Variants in ERMAP observed in about 807,000 individuals in gnomAD.
ERMAP encodes erythroblast membrane associated protein (Scianna blood group).
Under a neutral mutation model 49.5 loss-of-function variants are expected in ERMAP, and 34 were observed. The observed-to-expected ratio is 0.69, with a 90% confidence interval of 0.52 to 0.91. The LOEUF (loss-of-function observed/expected upper bound fraction) is 0.91, where lower values mean the gene tolerates loss of function less well. Among genes scored for constraint, ERMAP ranks in the 40% least tolerant of loss-of-function variants. ERMAP has a pLI of 0.00. For synonymous variants in ERMAP, 214 were observed against 232.2 expected (o/e 0.92, Z 0.71); for missense variants, 541 against 582.6 (o/e 0.93, Z 0.74).
intron 6 of ERMAP, among the ~76,000 whole-genome samples, chr1:42,836,067 C>A (rs1164648984): frequency 6.6e-6 from 1 of 151,986 alleles, no homozygotes; most frequent in Non-Finnish European, 1.5e-5. Context: ...TGATAATTAT[C>A]TACAAAATGC....
intron 4 of ERMAP, chr1:42,834,763 C>T: frequency 3.2e-6 from 1 of 313,292 alleles, no homozygotes; most frequent in Non-Finnish European, 6.0e-6. Context: ...CCCACATTGG[C>T]CAGCTGGTCT....
Position 42,828,819 on chromosome 1 carries a change from C to T in ERMAP, c.-5-1625C>T, listed in dbSNP as rs1396403802. Among the ~76,000 whole-genome samples, 3 of 152,054 alleles carry T rather than the reference C, an allele frequency of 2.0e-5. 1 individual carries two copies. The highest frequency in any genetic ancestry group is 7.2e-5 in the African/African-American group (3 of 41,406). ...AGCCTAGAGCTCACCCTCTTAACCA[C>T]TTCATAGATTGTCTGAATCTTGGAA... On this transcript the variant is annotated intron_variant, in intron 2 of 11. Transcript: ENST00000372517.
In ERMAP at chr1:42,843,811, A is replaced by G. The variant is rs1655138029; in HGVS notation, c.*579A>G. 1 of 367,254 alleles carries G rather than the reference A, an allele frequency of 2.7e-6. No homozygotes were observed. Among genetic ancestry groups the G allele is most frequent in the Non-Finnish European group, 4.8e-6 (1 of 207,022 alleles). 22.7% of individuals were successfully genotyped at this position (367,254 alleles called of 1,614,324 possible). A position where few individuals can be genotyped will look rare whatever the true frequency, so the allele number is the denominator to read the frequency against. On this transcript the variant is annotated 3_prime_UTR_variant, in exon 12 of 12. Coordinates refer to ENST00000372517, the MANE Select transcript of ERMAP (RefSeq NM_001017922.2). ...CTTTTCTATTTTCTTGATGCTGTTT[A>G]CAACATAGTTTGGTGATATCCAGAG...
rs1455226917 is a variant in ERMAP, at chr1:42,828,498, A to T, written c.-5-1946A>T. 2.4e-3 allele frequency among the ~76,000 whole-genome samples: 348 copies of T among 142,100 alleles called. 4 individuals carry two copies. Among genetic ancestry groups the T allele is most frequent in the African/African-American group, 6.8e-3 (263 of 38,558 alleles). The allele number at this position is 142,100 out of a possible 152,430, so 93.2% of individuals were successfully genotyped here. A position where few individuals can be genotyped will look rare whatever the true frequency, so the allele number is the denominator to read the frequency against. On this transcript the variant is annotated intron_variant, in intron 2 of 11. Coordinates refer to ENST00000372517, the MANE Select transcript of ERMAP (RefSeq NM_001017922.2). ...TAGAGCTCATTCTTTTTTTAAAAAAATTTTTTTTTTTTTTTGAGACAAGGT... is the reference window on the plus strand; with the variant it reads ...TAGAGCTCATTCTTTTTTTAAAAAATTTTTTTTTTTTTTTTGAGACAAGGT...
chr1:42,825,775 T>C (rs1258198885), intron 2 of ERMAP, 37 bp downstream of exon 2: 1 of 1,288,662 alleles, frequency 7.8e-7, no homozygotes, highest in South Asian at 1.2e-5. Context: ...TTTTTAGTCC[T>C]TTAACTTTCT....
rs35589923 is a variant in ERMAP at position 42,820,381 on chromosome 1, CTT to C, written c.-122+3146_-122+3147del. ...GAAACGTTCTCTGTGATCAGTTTCT[CTT>C]TTTTTTTTTTTTTTTTTAACAAATA... On this transcript the variant is annotated intron_variant, in intron 1 of 11. Coordinates refer to ENST00000372517, the MANE Select transcript of ERMAP (RefSeq NM_001017922.2). 4.5e-3 allele frequency among the ~76,000 whole-genome samples: 597 copies of C among 131,378 alleles called. 2 individuals are homozygous for C. The highest frequency in any genetic ancestry group is 0.019 in the Middle Eastern group (5 of 258). The allele number at this position is 131,378 out of a possible 152,430, so 86.2% of individuals were successfully genotyped here.
chr1:42,836,773 G>A (rs541335761), intron 6 of ERMAP, among the ~76,000 whole-genome samples: 2 of 152,082 alleles, frequency 1.3e-5, no homozygotes, highest in South Asian at 2.1e-4. Context: ...AGAATTGCTT[G>A]AACCCCGGAG....
chr1:42,822,558 T>G, intron 1 of ERMAP, among the ~76,000 whole-genome samples: 1 of 152,248 alleles, frequency 6.6e-6, no homozygotes, highest in Non-Finnish European at 1.5e-5. Context: ...ATACAATGTG[T>G]AGTGATCAGA....
At position 42,831,126 on chromosome 1, in the gene ERMAP, G is replaced by C. The variant is rs762574815; in HGVS notation, c.433+11G>C. On this transcript the variant is annotated intron_variant, in intron 4 of 11. Coordinates refer to ENST00000372517, the MANE Select transcript of ERMAP (RefSeq NM_001017922.2). ...TCCTGCAGGTTGCAGGTTAGAATGG[G>C]TTTGAGGTGCCCAGGGTCATTTGTG... is the stretch of plus-strand genomic sequence containing the variant. 1 of 1,612,154 alleles carries C rather than the reference G, an allele frequency of 6.2e-7. No individual in the cohort carries two copies. The highest frequency in any genetic ancestry group is 1.1e-5 in the South Asian group (1 of 90,856).
At chr1:42,837,034 C>A in intron 6 of ERMAP, 124 bp from the exon 7 acceptor site, 1 of 923,892 alleles carries the variant, frequency 1.1e-6, no homozygotes, top group Non-Finnish European at 1.7e-6. Flanking sequence ...GATTAGAGAC[C>A]GGATCAGGGA....
chr1:42,833,898 T>C (rs1654820030), intron 4 of ERMAP, among the ~76,000 whole-genome samples: 1 of 152,176 alleles, frequency 6.6e-6, no homozygotes, highest in Admixed American at 6.5e-5. Context: ...GAGACCAGCC[T>C]GGCCAACATG....
chr1:42,830,808 A>T lies in ERMAP; in HGVS notation c.126A>T (p.Leu42=). ...GDAGKFHVAL[L]GGTAELLCPL... is the part of the protein sequence containing the mutation. ...CCGGCAAGTTCCACGTGGCCCTACT[A>T]GGGGGCACAGCCGAGCTGCTCTGCC... The change falls in exon 4 of 12, where the codon CTA becomes CTT. Residue 42 remains leucine, a synonymous_variant. Transcript: ENST00000372517. 6.3e-7 allele frequency: 1 copy of T among 1,576,018 alleles called. No homozygotes were observed. The highest frequency in any genetic ancestry group is 8.6e-7 in the Non-Finnish European group (1 of 1,161,416).
intron 4 of ERMAP, 151 bp downstream of exon 4, chr1:42,831,266 A>G (rs1278496363): frequency 1.0e-6 from 1 of 1,004,310 alleles, no homozygotes; most frequent in Non-Finnish European, 1.4e-6. Context: ...AGCCATGTCC[A>G]TTGATCTCAG....
chr1:42,834,472 A>C (rs1297920561), intron 4 of ERMAP, among the ~76,000 whole-genome samples: 1 of 152,190 alleles, frequency 6.6e-6, no homozygotes, highest in African/African-American at 2.4e-5. Flanking sequence ...GATTGTGGTC[A>C]AGAAGTTTGT....
At chr1:42,838,117 A>G (rs914391520) in intron 7 of ERMAP, among the ~76,000 whole-genome samples, 10 of 152,210 alleles carry the variant, frequency 6.6e-5, no homozygotes, top group Admixed American at 1.3e-4. Context: ...TAATAATTCT[A>G]GGCATCTCAC....
intron 6 of ERMAP, 150 bp from the exon 7 acceptor site, chr1:42,837,008 T>G (rs1264693668): frequency 1.4e-6 from 1 of 704,882 alleles, no homozygotes; most frequent in Non-Finnish European, 2.4e-6. Flanking sequence ...CCATTTCTGT[T>G]GTCCAGGTGA....
Position 42,821,638 on chromosome 1 carries a change from C to T in ERMAP, c.-121-3985C>T, listed in dbSNP as rs143517089. On this transcript the variant is annotated intron_variant, in intron 1 of 11. Coordinates refer to ENST00000372517, the MANE Select transcript of ERMAP (RefSeq NM_001017922.2). Reference sequence around the variant, plus strand: ...ACTTCTAGGTATATATTCTGAGAAACGCTTTACATTTAAAAATTATTGAGG... The same window carrying T: ...ACTTCTAGGTATATATTCTGAGAAATGCTTTACATTTAAAAATTATTGAGG... Among the ~76,000 whole-genome samples the T allele has an allele frequency of 3.2e-3, 493 of 152,222 alleles. 1 individual carries two copies. The highest frequency in any genetic ancestry group is 0.011 in the African/African-American group (476 of 41,532).
At position 42,843,004 on chromosome 1, in the gene ERMAP, T is replaced by C. The variant is rs759576055; in HGVS notation, c.1200T>C (p.His400=). 11 of 1,614,054 alleles carry C rather than the reference T, an allele frequency of 6.8e-6. No homozygotes were observed. The highest frequency in any genetic ancestry group is 2.2e-5 in the East Asian group (1 of 44,896). Residue 400 remains histidine, a synonymous_variant, in exon 12 of 12, where the codon CAT becomes CAC. Transcript: ENST00000372517. ...PLRPFFEPCL[H]DGGKNTAPLV... ...GCCCTTTCTTTGAACCTTGCCTTCA[T>C]GATGGAGGAAAAAACACAGCACCTC...
At position 42,830,895 on chromosome 1, in the gene ERMAP, G is replaced by A. The variant is rs200998492; in HGVS notation, c.213G>A (p.Pro71=). 5.1e-5 allele frequency: 83 copies of A among 1,613,960 alleles called. No homozygotes were observed. The East Asian group carries it at 1.5e-3, about 30-fold the overall frequency. ...KEVRWLRSPF[P]QRSQAVHIFR... ...TGAGGTGGCTGCGGTCCCCATTCCC[G>A]CAGCGCTCCCAGGCTGTTCACATAT... is the stretch of plus-strand genomic sequence containing the variant. Residue 71 remains proline (P), a synonymous_variant, in exon 4 of 12, where the codon CCG becomes CCA. Coordinates refer to ENST00000372517, the MANE Select transcript of ERMAP (RefSeq NM_001017922.2).
Sources: allele counts gnomAD v4.1 joint callset (sites outside exome capture counted in the v4.1 genomes callset), GRCh38; gene constraint gnomAD v4.1.1; transcripts MANE v1.5; gene names NCBI Gene and HGNC (gene_info 2026-07-23, HGNC 2026-07-21).